The following DENND6A variants were observed in gnomAD, a reference collection of about 807,000 sequenced individuals.
DENND6A encodes protein DENND6A.
A neutral mutation model predicts 95.5 loss-of-function variants in DENND6A; 43 were observed. The observed-to-expected ratio is 0.45, with a 90% CI of 0.35 to 0.58. The LOEUF is 0.58. Ranked by LOEUF, DENND6A falls within the 20% of genes least tolerant of loss-of-function variation. DENND6A has a pLI of 0.00. For missense variants in DENND6A, 574 were observed against 736.0 expected, an observed-to-expected ratio of 0.78 and a Z score of 2.55; for synonymous variants, 257 against 260.4, an observed-to-expected ratio of 0.99 and a Z score of 0.13.
intron 11 of DENND6A, among the ~76,000 whole-genome samples, chr3:57,643,417 C>A (rs1399851978): frequency 6.6e-6 from 1 of 152,054 alleles, no homozygotes; most frequent in Non-Finnish European, 1.5e-5. Context: ...CCCCTCCCCC[C>A]ACAACACACA....
chr3:57,690,511 A>T (rs769473659), intron 1 of DENND6A, among the ~76,000 whole-genome samples: 1 of 150,870 alleles, frequency 6.6e-6, no homozygotes, highest in Non-Finnish European at 1.5e-5. Context: ...ACAGAGCAAG[A>T]CTCTCTCTCT....
chr3:57,680,918 A>G (rs1357717493), intron 1 of DENND6A, among the ~76,000 whole-genome samples: 9 of 152,202 alleles, frequency 5.9e-5, no homozygotes. Context: ...GTTGATAAGG[A>G]TGCAGAGAAA....
Position 57,657,726 on chromosome 3 carries a change from T to G in DENND6A, c.772A>C (p.Asn258His). Residue 258 changes from asparagine to histidine, a missense_variant, in exon 9 of 20, where the codon AAT becomes CAT. Coordinates refer to ENST00000311128, the MANE Select transcript of DENND6A (RefSeq NM_152678.3). ...IVQLTQQVDT[N>H]ISVILPTVHE... is the part of the protein sequence containing the mutation. Reference sequence around the variant, plus strand: ...ACAGTAGGTAAAATAACAGATATATTTGTGTCCACCTGAGAGATAGAAAAG... The same window carrying G: ...ACAGTAGGTAAAATAACAGATATATGTGTGTCCACCTGAGAGATAGAAAAG... The G allele has an allele frequency of 6.3e-7, 1 of 1,583,370 alleles. No homozygotes were observed. The highest frequency in any genetic ancestry group is 1.1e-5 in the South Asian group (1 of 87,616).
chr3:57,629,014 T>C, intron 18 of DENND6A, 129 bp from the exon 19 acceptor site: 1 of 641,148 alleles, frequency 1.6e-6, no homozygotes, highest in East Asian at 2.8e-5. Context: ...AACCCAGATA[T>C]AGCATTATAG....
At chr3:57,669,670 G>C (rs6797683) in intron 3 of DENND6A, among the ~76,000 whole-genome samples, 20,061 of 151,000 alleles carry the variant, frequency 0.13, 1,419 homozygotes, top group South Asian at 0.21. Context: ...AGTGGAGATC[G>C]CGCCACTGCG....
chr3:57,628,734 T>G, intron 19 of DENND6A, 77 bp downstream of exon 19: 1 of 1,440,770 alleles, frequency 6.9e-7, no homozygotes, highest in Non-Finnish European at 9.5e-7. Context: ...CGAACTATCA[T>G]GGGTTGTCAG....
chr3:57,659,065 CT>C (rs1446125160), intron 8 of DENND6A, 52 bp downstream of exon 8: 1 of 1,551,768 alleles, frequency 6.4e-7, no homozygotes, highest in Non-Finnish European at 8.8e-7. Flanking sequence ...TTTAAAAATT[CT>C]GTTAAAGAGA....
At chr3:57,630,643 T>G in intron 17 of DENND6A, 72 bp downstream of exon 17, 2 of 1,549,514 alleles carry the variant, frequency 1.3e-6, no homozygotes, top group Non-Finnish European at 1.7e-6. Context: ...AGAATAAGCT[T>G]AAGTTTAGCT....
chr3:57,664,119 T>C lies in DENND6A; in HGVS notation c.433-403A>G, dbSNP rs78305865. Among the ~76,000 whole-genome samples, 155 of 152,320 alleles carry C rather than the reference T, an allele frequency of 1.0e-3. 1 individual carries two copies. Among genetic ancestry groups the C allele is most frequent in the African/African-American group, 3.6e-3 (148 of 41,578 alleles). ...GAAGTTAAAAAAAAATCAAATTCTGTTTTCTCCAATGTTTTATTTAGTTTC... is the reference window on the plus strand; with the variant it reads ...GAAGTTAAAAAAAAATCAAATTCTGCTTTCTCCAATGTTTTATTTAGTTTC... On this transcript the variant is annotated intron_variant, in intron 4 of 19. Transcript: ENST00000311128.
At chr3:57,672,207 G>C (rs377241519) in intron 3 of DENND6A, 49 bp downstream of exon 3, 1 of 1,501,280 alleles carries the variant, frequency 6.7e-7, no homozygotes, top group East Asian at 2.3e-5. Flanking sequence ...AGTATAACCA[G>C]TATTCTTAGT....
intron 10 of DENND6A, 108 bp downstream of exon 10, chr3:57,646,208 T>C: frequency 6.9e-7 from 1 of 1,446,626 alleles, no homozygotes; most frequent in Non-Finnish European, 9.3e-7. Context: ...AATGCAATAA[T>C]GGGTGGGGAA....
intron 9 of DENND6A, among the ~76,000 whole-genome samples, chr3:57,656,025 C>T (rs1032662161): frequency 4.6e-5 from 7 of 152,054 alleles, no homozygotes; most frequent in Non-Finnish European, 1.0e-4. Flanking sequence ...GGGGACACTC[C>T]CTCTTTTCAT....
chr3:57,672,107 G>A, intron 3 of DENND6A, 149 bp downstream of exon 3: 4 of 737,908 alleles, frequency 5.4e-6, no homozygotes, highest in Non-Finnish European at 8.6e-6. Context: ...AATCAACGAT[G>A]ACATGACTAG....
At chr3:57,681,874 T>C (rs1204154528) in intron 1 of DENND6A, among the ~76,000 whole-genome samples, 1 of 152,128 alleles carries the variant, frequency 6.6e-6, no homozygotes, top group Non-Finnish European at 1.5e-5. Flanking sequence ...ATGTGGTTTC[T>C]TTTTGGGGTG....
intron 12 of DENND6A, among the ~76,000 whole-genome samples, chr3:57,639,542 T>A (rs1017438906): frequency 6.6e-6 from 1 of 152,196 alleles, no homozygotes; most frequent in African/African-American, 2.4e-5. Context: ...AATTAAGATT[T>A]AAAAAAATTT....
chr3:57,634,485 G>T, intron 14 of DENND6A, 73 bp downstream of exon 14: 2 of 803,668 alleles, frequency 2.5e-6, no homozygotes, highest in Non-Finnish European at 1.8e-6. Flanking sequence ...TATACATAAA[G>T]GACATATTGC....
At chr3:57,682,216 G>A (rs1354750669) in intron 1 of DENND6A, among the ~76,000 whole-genome samples, 1 of 145,990 alleles carries the variant, frequency 6.8e-6, no homozygotes, top group Non-Finnish European at 1.5e-5. Flanking sequence ...GGCAGGCGGA[G>A]GTTTTGGTGA....
chr3:57,643,922 G>A (rs1447854110), intron 11 of DENND6A, among the ~76,000 whole-genome samples: 1 of 151,858 alleles, frequency 6.6e-6, no homozygotes, highest in Non-Finnish European at 1.5e-5. Context: ...AAGCCAAGGT[G>A]GGCAGATCAC....
Position 57,644,893 on chromosome 3 carries a change from TGA to T in DENND6A, c.1037+766_1037+767del, listed in dbSNP as rs572529243. ...GGTGAAACAGTGAGAAGGGTATTGA[TGA>T]TCTGGCAAGAACAAATTCAGTGAAT... On this transcript the variant is annotated intron_variant, in intron 11 of 19. Transcript: ENST00000311128. Among the ~76,000 whole-genome samples the T allele has an allele frequency of 4.9e-3, 732 of 149,244 alleles. 6 individuals are homozygous for T. The highest frequency in any genetic ancestry group is 0.017 in the African/African-American group (696 of 40,644).
Sources: gnomAD v4.1 joint callset for allele counts (sites outside exome capture counted in the v4.1 genomes callset) on GRCh38, gnomAD v4.1.1 for gene constraint, MANE v1.5 for transcripts, NCBI Gene and HGNC (gene_info 2026-07-23, HGNC 2026-07-21) for gene names.